The following FLNB variants were observed in gnomAD, a reference collection of about 807,000 sequenced individuals.
FLNB encodes the protein filamin B, also known as filamin-B.
A neutral mutation model predicts 250.6 loss-of-function variants in FLNB; 111 were observed. That is an observed-to-expected ratio of 0.44 (90% confidence interval 0.38 to 0.52). The LOEUF (loss-of-function observed/expected upper bound fraction) is 0.52, where lower values mean the gene tolerates loss of function less well. FLNB is among the 20% of genes least tolerant of loss of function. The pLI is 0.00. For synonymous variants in FLNB, 1,302 were observed against 1,372.1 expected, an observed-to-expected ratio of 0.95 and a Z score of 1.13; for missense variants, 2,869 against 3,447.8, an observed-to-expected ratio of 0.83 and a Z score of 4.20.
intron 4 of FLNB, among the ~76,000 whole-genome samples, chr3:58,089,231 G>A (rs1454702258): frequency 6.6e-6 from 1 of 152,040 alleles, no homozygotes; most frequent in East Asian, 1.9e-4. Flanking sequence ...AAATTTTAAA[G>A]CAGCCATTAA....
At chr3:58,052,211 A>C (rs2097163526) in intron 1 of FLNB, among the ~76,000 whole-genome samples, 1 of 152,124 alleles carries the variant, frequency 6.6e-6, no homozygotes, top group Admixed American at 6.5e-5. Context: ...TTATATCCAC[A>C]CTTGGAATAC....
intron 32 of FLNB, among the ~76,000 whole-genome samples, chr3:58,144,883 A>G (rs1047296557): frequency 1.3e-5 from 2 of 152,072 alleles, no homozygotes; most frequent in Admixed American, 1.3e-4. Context: ...CCCTATGTCT[A>G]TTTGTATTTC....
At position 58,150,127 on chromosome 3, in the gene FLNB, C is replaced by A. The variant is rs1350909760; in HGVS notation, c.6267C>A (p.Ile2089=). ...CAGGGAGCCCATTTACCGTGAAGAT[C>A]AGTGGGGAGGGAAGAGTCAAAGAGA... ...HVPGSPFTVK[I]SGEGRVKESI... The change falls in exon 38 of 46, where the codon ATC becomes ATA. Residue 2089 remains isoleucine (I), a synonymous_variant. Transcript: ENST00000295956. 1 of 1,614,232 alleles carries A rather than the reference C, an allele frequency of 6.2e-7. No homozygotes were observed. Among genetic ancestry groups the A allele is most frequent in the Non-Finnish European group, 8.5e-7 (1 of 1,180,040 alleles).
chr3:58,160,109 AG>A (rs1279178610), intron 42 of FLNB, among the ~76,000 whole-genome samples: 2 of 152,180 alleles, frequency 1.3e-5, no homozygotes, highest in African/African-American at 4.8e-5. Context: ...GTTTTCTGTT[AG>A]TTTTTCAGAT....
Position 58,123,222 on chromosome 3 carries a change from G to C in FLNB, c.3256G>C (p.Glu1086Gln). Residue 1086 changes from glutamate (E) to glutamine (Q), a missense_variant, in exon 21 of 46, where the codon GAG (glutamate) becomes CAG (glutamine). By Grantham distance (29) the Glu-to-Gln change is conservative. Transcript: ENST00000295956. ...TVEGPCEAKIECSDNGDGTCS... is the reference protein window; with the variant it reads ...TVEGPCEAKIQCSDNGDGTCS... Reference sequence around the variant, plus strand: ...GGAAGGTCCGTGCGAGGCCAAAATCGAGTGCTCCGACAATGGTGATGGGAC... The same window carrying C: ...GGAAGGTCCGTGCGAGGCCAAAATCCAGTGCTCCGACAATGGTGATGGGAC... 1 of 1,614,088 alleles carries C rather than the reference G, an allele frequency of 6.2e-7. No individual in the cohort carries two copies. Among genetic ancestry groups the C allele is most frequent in the Non-Finnish European group, 8.5e-7 (1 of 1,179,964 alleles).
chr3:58,041,054 G>A (rs1209005348), intron 1 of FLNB, among the ~76,000 whole-genome samples: 2 of 152,064 alleles, frequency 1.3e-5, no homozygotes, highest in Non-Finnish European at 2.9e-5. Context: ...TGAGGTCTGA[G>A]GAACGGTGTT....
At chr3:58,067,454 A>G (rs1252899418) in intron 1 of FLNB, among the ~76,000 whole-genome samples, 1 of 152,086 alleles carries the variant, frequency 6.6e-6, no homozygotes, top group Non-Finnish European at 1.5e-5. Context: ...CCCCTTGTCT[A>G]CTTGTATTTT....
chr3:58,142,191 A>G lies in FLNB; in HGVS notation c.5181+262A>G, dbSNP rs2097328303. Among the ~76,000 whole-genome samples the G allele has an allele frequency of 6.6e-6, 1 of 152,202 alleles. No homozygotes were observed. The highest frequency in any genetic ancestry group is 6.5e-5 in the Admixed American group (1 of 15,290). ...AGTTTGTCTCTGTGTTTAAAGAGAA[A>G]GACAGACAGCTGTCTGCAGCCCTCC... On this transcript the variant is annotated intron_variant, in intron 30 of 45. Transcript: ENST00000295956. The surrounding 1 kb of genome is among the most constrained non-coding windows in gnomAD (Gnocchi z 4.3).
At position 58,050,101 on chromosome 3, in the gene FLNB, C is replaced by T. The variant is rs2097160093; in HGVS notation, c.293-26945C>T. Among the ~76,000 whole-genome samples the T allele has an allele frequency of 3.4e-5, 5 of 148,752 alleles. No individual in the cohort carries two copies. The Admixed American group carries it at 3.4e-4, about 10-fold the overall frequency. The stretch of plus-strand genomic sequence containing the variant: ...CTGGAGTGCAGTGGCATGATCTTGG[C>T]TCACCGCAACCTCTGCCTCCCGGGT... On this transcript the variant is annotated intron_variant, in intron 1 of 45. Coordinates refer to ENST00000295956, the MANE Select transcript of FLNB (RefSeq NM_001457.4).
At chr3:58,105,749 A>T (rs945331134) in intron 11 of FLNB, among the ~76,000 whole-genome samples, 1 of 152,224 alleles carries the variant, frequency 6.6e-6, no homozygotes, top group Non-Finnish European at 1.5e-5. Context: ...CAGCTATAGG[A>T]ATACGTAAAC....
At chr3:58,106,506 C>A (rs2107105973) in intron 11 of FLNB, among the ~76,000 whole-genome samples, 174 bp from the exon 12 acceptor site, 1 of 151,590 alleles carries the variant, frequency 6.6e-6, no homozygotes, top group African/African-American at 2.4e-5. Context: ...TCCACCCCTT[C>A]CATCTCTACT....
intron 18 of FLNB, among the ~76,000 whole-genome samples, chr3:58,118,258 G>A (rs1312164599): frequency 6.6e-6 from 1 of 152,226 alleles, no homozygotes; most frequent in Non-Finnish European, 1.5e-5. Flanking sequence ...TTCAGATATT[G>A]TGCGATGGTC....
At position 58,149,989 on chromosome 3, in the gene FLNB, C is replaced by T. The variant is rs145280904; in HGVS notation, c.6231C>T (p.Asp2077=). 4,143 of 1,614,268 alleles carry T rather than the reference C, an allele frequency of 2.6e-3. 14 individuals are homozygous for T. The highest frequency in any genetic ancestry group is 0.016 in the Middle Eastern group (98 of 6,062). ...GVYIVSTKFA[D]EHVPGSPFTV... ...ATATCGTCTCCACCAAATTCGCTGA[C>T]GAGCACGTGCCTGGTATGTGCATTC... Residue 2077 remains aspartate, a synonymous_variant, in exon 37 of 46, where the codon GAC becomes GAT. Coordinates refer to ENST00000295956, the MANE Select transcript of FLNB (RefSeq NM_001457.4).
chr3:58,090,259 G>A (rs774900069), intron 4 of FLNB, among the ~76,000 whole-genome samples: 6 of 151,682 alleles, frequency 4.0e-5, no homozygotes, highest in African/African-American at 9.7e-5. Context: ...CTGGTAGGTC[G>A]TCAAGAGCAG....
chr3:58,091,529 A>G (rs544082323), intron 4 of FLNB, among the ~76,000 whole-genome samples: 4 of 152,256 alleles, frequency 2.6e-5, no homozygotes, highest in African/African-American at 9.6e-5. Context: ...CAAAAAACCC[A>G]TATAACTATA....
intron 1 of FLNB, among the ~76,000 whole-genome samples, chr3:58,010,336 C>T (rs1174105999): frequency 6.6e-6 from 1 of 152,184 alleles, no homozygotes; most frequent in Non-Finnish European, 1.5e-5. Flanking sequence ...GCTGAGCCTC[C>T]CCTGGGCCTT....
chr3:58,157,657 G>A (rs778698550), intron 41 of FLNB, among the ~76,000 whole-genome samples: 2 of 152,176 alleles, frequency 1.3e-5, no homozygotes, highest in Non-Finnish European at 2.9e-5. Context: ...GATAAACCCA[G>A]CACTTATTGA....
At chr3:58,160,477 G>T (rs1291376163) in intron 42 of FLNB, among the ~76,000 whole-genome samples, 1 of 152,198 alleles carries the variant, frequency 6.6e-6, no homozygotes, top group African/African-American at 2.4e-5. Context: ...AAAAGCAGAT[G>T]ATGACCCCAA....
chr3:58,143,682 C>G (rs1473140060), intron 32 of FLNB, 69 bp downstream of exon 32: 1 of 1,590,318 alleles, frequency 6.3e-7, no homozygotes, highest in Non-Finnish European at 8.6e-7. Context: ...GCAGACACTC[C>G]TCAGCCGCTT....
Sources: gnomAD v4.1 joint callset for allele counts (sites outside exome capture counted in the v4.1 genomes callset) on GRCh38, gnomAD v4.1.1 for gene constraint, Gnocchi (gnomAD v3.1) non-coding constraint, MANE v1.5 for transcripts, NCBI Gene and HGNC (gene_info 2026-07-23, HGNC 2026-07-21) for gene names.